Variants in LPP observed in about 807,000 individuals in gnomAD.
The protein encoded by LPP is LIM domain containing preferred translocation partner in lipoma.
LPP carries 38 observed loss-of-function variants against 60.4 expected under a neutral mutation model. The observed-to-expected ratio is 0.63, with a 90% CI of 0.49 to 0.83. LPP has a LOEUF of 0.83. Among genes scored for constraint, LPP ranks in the 40% least tolerant of loss-of-function variants. The pLI is 0.00. For missense variants in LPP, 902 were observed against 783.6 expected, an observed-to-expected ratio of 1.15 and a Z score of -1.80; for synonymous variants, 328 against 290.8, an observed-to-expected ratio of 1.13 and a Z score of -1.30.
chr3:188,517,938 G>C lies in LPP; in HGVS notation c.307-6727G>C, dbSNP rs116212572. Among the ~76,000 whole-genome samples, 1,070 of 152,198 alleles carry C rather than the reference G, an allele frequency of 7.0e-3. 11 individuals are homozygous for C. The highest frequency in any genetic ancestry group is 0.025 in the African/African-American group (1,025 of 41,530). Reference sequence around the variant, plus strand: ...GAATTCTCTGTTAGTTCATAGGACAGCTGATTGTTTAAAAGAGTATAGCAC... The same window carrying C: ...GAATTCTCTGTTAGTTCATAGGACACCTGATTGTTTAAAAGAGTATAGCAC... On this transcript the variant is annotated intron_variant, in intron 5 of 11. Coordinates refer to ENST00000617246, the MANE Select transcript of LPP (RefSeq NM_001375462.1).
chr3:188,319,767 T>C (rs1003220569), intron 2 of LPP, among the ~76,000 whole-genome samples: 27 of 152,228 alleles, frequency 1.8e-4, no homozygotes, highest in African/African-American at 6.5e-4. Flanking sequence ...AAAGAAATTA[T>C]CATTGGTGTA....
chr3:188,883,291 T>A lies in LPP; in HGVS notation c.*8812T>A, dbSNP rs562067687. 8.4e-5 allele frequency: 18 copies of A among 214,252 alleles called. No individual in the cohort carries two copies. In the South Asian group the frequency reaches 2.8e-3, roughly 33 times the overall value. 13.3% of individuals were successfully genotyped at this position (214,252 alleles called of 1,614,324 possible). Reference sequence around the variant, plus strand: ...ATGTTCTGAGGGCCAGACATTAGAATTTGTGAGTTTTTTTGTTGCTGGTTG... The same window carrying A: ...ATGTTCTGAGGGCCAGACATTAGAAATTGTGAGTTTTTTTGTTGCTGGTTG... On this transcript the variant is annotated 3_prime_UTR_variant, in exon 12 of 12. Transcript: ENST00000617246.
intron 9 of LPP, among the ~76,000 whole-genome samples, chr3:188,843,777 A>T: frequency 6.7e-6 from 1 of 148,200 alleles, no homozygotes; most frequent in African/African-American, 2.5e-5. Flanking sequence ...ACAGAGCAAG[A>T]CTCCGTCTCA....
At chr3:188,871,440 T>C (rs1236070142) in intron 10 of LPP, among the ~76,000 whole-genome samples, 1 of 152,252 alleles carries the variant, frequency 6.6e-6, no homozygotes, top group Non-Finnish European at 1.5e-5. Flanking sequence ...TTAATTCATA[T>C]TTATTTAGAT....
intron 7 of LPP, among the ~76,000 whole-genome samples, chr3:188,638,622 C>G (rs1472666586): frequency 1.4e-5 from 2 of 143,026 alleles, no homozygotes; most frequent in African/African-American, 5.4e-5. Context: ...AACCCCATTG[C>G]CTCAGCCCAA....
In LPP at chr3:188,420,024, CTAT is replaced by C. The variant is rs528675662; in HGVS notation, c.193+13719_193+13721del. Among the ~76,000 whole-genome samples the C allele has an allele frequency of 2.1e-3, 317 of 152,132 alleles. 4 individuals are homozygous for C. Among genetic ancestry groups the C allele is most frequent in the African/African-American group, 7.5e-3 (310 of 41,514 alleles). ...GTGGAAGCTGCAATCATTGTTCTTG[CTAT>C]TATTATTGAAATGAAAATATGAACA... On this transcript the variant is annotated intron_variant, in intron 4 of 11. Transcript: ENST00000617246.
Position 188,406,099 on chromosome 3 carries a change from T to G in LPP, c.-9-13T>G, listed in dbSNP as rs760374717. ...CATGCTTCCATAAAAACAGTGTTTC[T>G]TTTTCATTGCAGATTCCAACAATGT... On this transcript the variant is annotated splice_polypyrimidine_tract_variant and intron_variant, in intron 3 of 11. Coordinates refer to ENST00000617246, the MANE Select transcript of LPP (RefSeq NM_001375462.1). 1.7e-5 allele frequency: 27 copies of G among 1,602,632 alleles called. No homozygotes were observed. Among genetic ancestry groups the G allele is most frequent in the Non-Finnish European group, 2.3e-5 (27 of 1,174,040 alleles).
intron 7 of LPP, among the ~76,000 whole-genome samples, chr3:188,631,835 A>G (rs1847898378): frequency 1.3e-5 from 2 of 152,176 alleles, no homozygotes; most frequent in African/African-American, 4.8e-5. Flanking sequence ...TAGTGACTGC[A>G]GACCATGTAA....
At chr3:188,529,146 T>G (rs1292162938) in intron 6 of LPP, among the ~76,000 whole-genome samples, 1 of 152,236 alleles carries the variant, frequency 6.6e-6, no homozygotes, top group Non-Finnish European at 1.5e-5. Flanking sequence ...GATGTGTTAA[T>G]ATTTATTGGT....
chr3:188,874,594 A>T lies in LPP; in HGVS notation c.*115A>T, dbSNP rs1012413499. On this transcript the variant is annotated 3_prime_UTR_variant, in exon 12 of 12. Coordinates refer to ENST00000617246, the MANE Select transcript of LPP (RefSeq NM_001375462.1). Reference sequence around the variant, plus strand: ...AGTCTCTGTTCTTCATCTGCTATTAACCTTGCCTTAGAAACACATAAATTA... The same window carrying T: ...AGTCTCTGTTCTTCATCTGCTATTATCCTTGCCTTAGAAACACATAAATTA... 1.1e-5 allele frequency: 13 copies of T among 1,207,634 alleles called. No homozygotes were observed. Among genetic ancestry groups the T allele is most frequent in the Non-Finnish European group, 1.5e-5 (13 of 878,044 alleles). 74.8% of individuals were successfully genotyped at this position (1,207,634 alleles called of 1,614,324 possible).
chr3:188,499,796 C>T (rs1325367484), intron 5 of LPP, among the ~76,000 whole-genome samples: 2 of 152,024 alleles, frequency 1.3e-5, no homozygotes, highest in Non-Finnish European at 2.9e-5. Flanking sequence ...GAAATGTATT[C>T]AAGTTTTCAT....
At chr3:188,253,166 A>C (rs1434653336) in intron 2 of LPP, among the ~76,000 whole-genome samples, 1 of 151,702 alleles carries the variant, frequency 6.6e-6, no homozygotes, top group Non-Finnish European at 1.5e-5. Flanking sequence ...TCATCTATGA[A>C]GTATATTACA....
rs1284689823 is a variant in LPP at position 188,609,360 on chromosome 3, A to G, written c.629A>G (p.Tyr210Cys). 2.5e-6 allele frequency: 4 copies of G among 1,614,072 alleles called. No individual in the cohort carries two copies. The highest frequency in any genetic ancestry group is 3.4e-6 in the Non-Finnish European group (4 of 1,179,996). ...KPQPQPVPAS[Y>C]TTASTSSRPT... ...CAGCCTCAGCCAGTCCCAGCCTCCT[A>G]CACCACGGCCTCCACTTCTTCAAGG... The change falls in exon 7 of 12, where the codon TAC (tyrosine) becomes TGC (cysteine). Residue 210 changes from tyrosine to cysteine, a missense_variant. Tyr to Cys is a radical substitution (Grantham distance 194, BLOSUM62 -2). Transcript: ENST00000617246. The surrounding 1 kb of genome is among the most constrained non-coding windows in gnomAD (Gnocchi z 6.9).
chr3:188,739,523 A>G (rs1723679553), intron 8 of LPP, among the ~76,000 whole-genome samples: 1 of 152,070 alleles, frequency 6.6e-6, no homozygotes, highest in Non-Finnish European at 1.5e-5. Context: ...GTTTTATTTT[A>G]TAGTTTTATA....
intron 10 of LPP, among the ~76,000 whole-genome samples, chr3:188,868,775 T>C (rs987476184): frequency 6.6e-6 from 1 of 152,258 alleles, no homozygotes; most frequent in Non-Finnish European, 1.5e-5. Flanking sequence ...GGTCTCCTTT[T>C]GTGGACCTTT....
In LPP at chr3:188,457,865, C is replaced by T. The variant is rs185233809; in HGVS notation, c.194-26727C>T. ...TGGAGGTTGCAGTGATCCGAGATCA[C>T]GCCCCTGCACTCCAGCCTGGGTGAC... is the stretch of plus-strand genomic sequence containing the variant. On this transcript the variant is annotated intron_variant, in intron 4 of 11. Transcript: ENST00000617246. Among the ~76,000 whole-genome samples, 618 of 151,998 alleles carry T rather than the reference C, an allele frequency of 4.1e-3. 1 individual carries two copies. Among genetic ancestry groups the T allele is most frequent in the Non-Finnish European group, 6.6e-3 (448 of 67,980 alleles).
chr3:188,248,799 C>T (rs910658326), intron 2 of LPP, among the ~76,000 whole-genome samples: 3 of 151,964 alleles, frequency 2.0e-5, no homozygotes, highest in African/African-American at 4.8e-5. Flanking sequence ...TGCACCAGTT[C>T]GTTTGGTAAT....
intron 1 of LPP, among the ~76,000 whole-genome samples, chr3:188,211,293 A>G (rs1403570930): frequency 6.6e-6 from 1 of 152,154 alleles, no homozygotes; most frequent in Non-Finnish European, 1.5e-5. Flanking sequence ...AGCTGTTTAT[A>G]GCTTGAAGAC....
intron 3 of LPP, among the ~76,000 whole-genome samples, chr3:188,386,440 A>G (rs1452489667): frequency 6.6e-6 from 1 of 152,194 alleles, no homozygotes; most frequent in East Asian, 1.9e-4. Flanking sequence ...ATTACATTGG[A>G]ATAGATGTGA....
Sources: gnomAD v4.1 joint callset for allele counts (sites outside exome capture counted in the v4.1 genomes callset) on GRCh38, gnomAD v4.1.1 for gene constraint, Gnocchi (gnomAD v3.1) non-coding constraint, MANE v1.5 for transcripts, NCBI Gene and HGNC (gene_info 2026-07-23, HGNC 2026-07-21) for gene names.